The following SNX24 variants were observed in gnomAD, a reference collection of about 807,000 sequenced individuals.
The protein encoded by SNX24 is sorting nexin-24.
A neutral mutation model predicts 28.7 loss-of-function variants in SNX24; 22 were observed. That is an observed-to-expected ratio of 0.77 (90% CI 0.55 to 1.10). The LOEUF (loss-of-function observed/expected upper bound fraction) is 1.10. Ranked by LOEUF, SNX24 falls within the 50% of genes least tolerant of loss-of-function variation. The pLI, the probability that SNX24 is intolerant of heterozygous loss-of-function variation, is 0.00. For synonymous variants in SNX24, 69 were observed against 71.5 expected, an observed-to-expected ratio of 0.96 and a Z score of 0.18; for missense variants, 221 against 201.1, an observed-to-expected ratio of 1.10 and a Z score of -0.60.
chr5:122,999,530 A>G (rs1762169965), intron 3 of SNX24, among the ~76,000 whole-genome samples: 1 of 152,170 alleles, frequency 6.6e-6, no homozygotes, highest in African/African-American at 2.4e-5. Context: ...AGAAAATTTG[A>G]TATACATATC....
In SNX24 at chr5:122,916,511, T is replaced by TTA. The variant is rs397810041; in HGVS notation, c.61-20223_61-20222insTA. Among the ~76,000 whole-genome samples, 103 of 152,088 alleles carry TTA rather than the reference T, an allele frequency of 6.8e-4. No homozygotes were observed. The East Asian group carries it at 0.015, about 22-fold the overall frequency. ...TGTTTATAATATTTTGTGCTTTTTT[T>TTA]ATCTTAGATGCTTTTATTCTGAGCC... On this transcript the variant is annotated intron_variant, in intron 1 of 6. Coordinates refer to ENST00000261369, the MANE Select transcript of SNX24 (RefSeq NM_014035.4).
rs151285020 is a variant in SNX24 at position 123,001,726 on chromosome 5, T to C, written c.378-214T>C. 6.9e-3 allele frequency among the ~76,000 whole-genome samples: 1,045 copies of C among 152,328 alleles called. 6 individuals carry two copies. The highest frequency in any genetic ancestry group is 0.012 in the Non-Finnish European group (798 of 68,026). The stretch of plus-strand genomic sequence containing the variant: ...GCAATGATTTATTGTATAGATTGTA[T>C]ATTTGCTTCAAATTCCACAAAGAAA... On this transcript the variant is annotated intron_variant, in intron 5 of 6. Coordinates refer to ENST00000261369, the MANE Select transcript of SNX24 (RefSeq NM_014035.4).
intron 1 of SNX24, among the ~76,000 whole-genome samples, chr5:122,884,748 C>T (rs968564021): frequency 1.3e-5 from 2 of 151,822 alleles, no homozygotes; most frequent in Non-Finnish European, 1.5e-5. Flanking sequence ...TAATAGGTGT[C>T]GAGGAGTGGG....
chr5:122,978,856 T>C (rs1363774297), intron 3 of SNX24, among the ~76,000 whole-genome samples: 1 of 152,200 alleles, frequency 6.6e-6, no homozygotes, highest in African/African-American at 2.4e-5. Flanking sequence ...CAAAGGCCCA[T>C]GTCAGTGATC....
intron 1 of SNX24, among the ~76,000 whole-genome samples, chr5:122,877,789 A>T (rs1756297928): frequency 6.6e-6 from 1 of 151,424 alleles, no homozygotes; most frequent in African/African-American, 2.4e-5. Context: ...GAGAGTTTTG[A>T]TTCTGCCTGA....
At chr5:122,950,054 G>T (rs536166043) in intron 3 of SNX24, among the ~76,000 whole-genome samples, 4 of 152,090 alleles carry the variant, frequency 2.6e-5, no homozygotes, top group Admixed American at 2.6e-4. Flanking sequence ...ATATACTCCA[G>T]GAAAACTCCC....
At chr5:122,956,972 C>G (rs993135739) in intron 3 of SNX24, among the ~76,000 whole-genome samples, 8 of 151,876 alleles carry the variant, frequency 5.3e-5, no homozygotes, top group Non-Finnish European at 1.0e-4. Flanking sequence ...TATATTCTCC[C>G]ATTTTATATA....
At chr5:122,873,350 G>A (rs1756070185) in intron 1 of SNX24, among the ~76,000 whole-genome samples, 1 of 152,140 alleles carries the variant, frequency 6.6e-6, no homozygotes, top group African/African-American at 2.4e-5. Flanking sequence ...AAAATTCTAT[G>A]AAGCTGATCT....
At chr5:122,967,488 G>A (rs1225885521) in intron 3 of SNX24, among the ~76,000 whole-genome samples, 4 of 152,182 alleles carry the variant, frequency 2.6e-5, no homozygotes, top group South Asian at 4.1e-4. Context: ...TCTCACTAGC[G>A]TGTCTCCAAG....
intron 3 of SNX24, among the ~76,000 whole-genome samples, chr5:122,992,110 A>G (rs1446816883): frequency 6.6e-6 from 1 of 152,230 alleles, no homozygotes; most frequent in Non-Finnish European, 1.5e-5. Flanking sequence ...GAAATGATAC[A>G]TAATTCGAAC....
In SNX24 at chr5:122,897,945, G is replaced by C. The variant is rs559611942; in HGVS notation, c.61-38789G>C. 5.3e-5 allele frequency among the ~76,000 whole-genome samples: 8 copies of C among 152,284 alleles called. No individual in the cohort carries two copies. In the South Asian group the frequency reaches 1.4e-3, roughly 28 times the overall value. The stretch of plus-strand genomic sequence containing the variant: ...GTTGCTTCTTGGGGGAAAATACCAT[G>C]ATGGTCACTTAACTCATTTTCAGGT... On this transcript the variant is annotated intron_variant, in intron 1 of 6. Coordinates refer to ENST00000261369, the MANE Select transcript of SNX24 (RefSeq NM_014035.4).
chr5:122,923,319 A>G (rs1758526586), intron 1 of SNX24, among the ~76,000 whole-genome samples: 1 of 151,896 alleles, frequency 6.6e-6, no homozygotes, highest in Non-Finnish European at 1.5e-5. Context: ...AGCCTGGGTG[A>G]CAGAGTGAGA....
At chr5:122,898,755 A>G (rs998548200) in intron 1 of SNX24, among the ~76,000 whole-genome samples, 4 of 152,222 alleles carry the variant, frequency 2.6e-5, no homozygotes, top group East Asian at 1.9e-4. Flanking sequence ...CAGAGTTTCT[A>G]TGTGGTTGAG....
chr5:122,986,889 A>T (rs1223939143), intron 3 of SNX24, among the ~76,000 whole-genome samples: 1 of 151,954 alleles, frequency 6.6e-6, no homozygotes, highest in Non-Finnish European at 1.5e-5. Context: ...GGAGGGATGG[A>T]TGGGACTAGT....
chr5:122,953,077 C>T (rs77761391), intron 3 of SNX24, among the ~76,000 whole-genome samples: 1 of 51,616 alleles, frequency 1.9e-5, no homozygotes, highest in Non-Finnish European at 3.4e-5. Flanking sequence ...TTCCTTTCTT[C>T]CTTTTTTCCT....
intron 1 of SNX24, among the ~76,000 whole-genome samples, chr5:122,917,083 A>G (rs944352928): frequency 6.6e-5 from 10 of 152,128 alleles, no homozygotes; most frequent in Non-Finnish European, 1.0e-4. Flanking sequence ...CCTGGCCAAC[A>G]TGGTGAAACT....
At chr5:122,999,324 G>A (rs1762160077) in intron 3 of SNX24, among the ~76,000 whole-genome samples, 1 of 152,082 alleles carries the variant, frequency 6.6e-6, no homozygotes, top group South Asian at 2.1e-4. Context: ...AAGTGGAGCT[G>A]TCCAAATGGC....
chr5:122,915,342 A>C (rs897841322), intron 1 of SNX24, among the ~76,000 whole-genome samples: 1 of 152,136 alleles, frequency 6.6e-6, no homozygotes, highest in Non-Finnish European at 1.5e-5. Context: ...AAGATTTTTC[A>C]TGGCCAGGTG....
chr5:122,939,450 C>G (rs1275068669), intron 2 of SNX24, among the ~76,000 whole-genome samples: 1 of 152,054 alleles, frequency 6.6e-6, no homozygotes, highest in African/African-American at 2.4e-5. Context: ...TTTGGGTGGC[C>G]TATTAATACA....
Sources: allele counts gnomAD v4.1 joint callset (sites outside exome capture counted in the v4.1 genomes callset), GRCh38; gene constraint gnomAD v4.1.1; transcripts MANE v1.5; gene names NCBI Gene and HGNC (gene_info 2026-07-23, HGNC 2026-07-21).